GLI2: variants seen among roughly 807,000 people sequenced by gnomAD.
GLI2 encodes the protein GLI family zinc finger 2.
GLI2 carries 22 observed loss-of-function variants against 78.9 expected under a neutral mutation model. The ratio of observed to expected loss-of-function variants is 0.28; its 90% CI spans 0.20 to 0.40. The LOEUF (loss-of-function observed/expected upper bound fraction) is 0.40, where lower values mean the gene tolerates loss of function less well. GLI2 is among the 10% of genes least tolerant of loss of function. GLI2 has a pLI of 1.00. For synonymous variants in GLI2, 974 were observed against 963.7 expected, an observed-to-expected ratio of 1.01 and a Z score of -0.20; for missense variants, 2,097 against 2,213.2, an observed-to-expected ratio of 0.95 and a Z score of 1.05.
At chr2:120,875,413 A>G (rs1252083419) in intron 2 of GLI2, among the ~76,000 whole-genome samples, 1 of 152,172 alleles carries the variant, frequency 6.6e-6, no homozygotes, top group Admixed American at 6.5e-5. Context: ...CACTTGGAGG[A>G]GGGTATATGG....
chr2:120,778,783 C>T (rs947857244), intron 1 of GLI2, among the ~76,000 whole-genome samples: 6 of 152,202 alleles, frequency 3.9e-5, no homozygotes, highest in Non-Finnish European at 8.8e-5. Flanking sequence ...CCTGAAGCTG[C>T]GACAGGGAAG....
intron 1 of GLI2, among the ~76,000 whole-genome samples, chr2:120,785,009 C>T (rs1222865360): frequency 1.3e-5 from 2 of 152,186 alleles, no homozygotes; most frequent in East Asian, 3.9e-4. Flanking sequence ...GAAACCTGTG[C>T]CACCCAAATA....
intron 2 of GLI2, among the ~76,000 whole-genome samples, chr2:120,925,218 C>T (rs974958907): frequency 3.9e-5 from 6 of 152,228 alleles, no homozygotes; most frequent in Non-Finnish European, 7.3e-5. Flanking sequence ...TGCCTGCAAC[C>T]AACTCCTCTT....
Position 120,987,132 on chromosome 2 carries a change from C to T in GLI2, c.2242+518C>T, listed in dbSNP as rs1195635548. Among the ~76,000 whole-genome samples the T allele has an allele frequency of 5.9e-5, 9 of 152,216 alleles. No homozygotes were observed. The South Asian group carries it at 8.3e-4, about 14-fold the overall frequency. Reference sequence around the variant, plus strand: ...GGGATGAGCAGGGAGGACTTCATGGCGGAGGCAGCACTGTGCTCAGTCTCA... The same window carrying T: ...GGGATGAGCAGGGAGGACTTCATGGTGGAGGCAGCACTGTGCTCAGTCTCA... On this transcript the variant is annotated intron_variant, in intron 13 of 13. Transcript: ENST00000361492.
intron 1 of GLI2, among the ~76,000 whole-genome samples, chr2:120,757,050 C>T (rs933569122): frequency 6.6e-6 from 1 of 152,106 alleles, no homozygotes; most frequent in Non-Finnish European, 1.5e-5. Context: ...AGTGATTTTT[C>T]ATCTCTAGAA....
At chr2:120,930,227 C>T (rs1679884245) in intron 3 of GLI2, among the ~76,000 whole-genome samples, 1 of 152,256 alleles carries the variant, frequency 6.6e-6, no homozygotes, top group African/African-American at 2.4e-5. Flanking sequence ...AAGACCCCAA[C>T]AGCGATGACT....
intron 5 of GLI2, among the ~76,000 whole-genome samples, chr2:120,961,366 G>C (rs1170968754): frequency 6.6e-6 from 1 of 152,156 alleles, no homozygotes; most frequent in African/African-American, 2.4e-5. Context: ...ATCCCTTTCC[G>C]AGACAGGAAG....
At chr2:120,910,198 A>G (rs887788246) in intron 2 of GLI2, among the ~76,000 whole-genome samples, 1 of 151,910 alleles carries the variant, frequency 6.6e-6, no homozygotes, top group African/African-American at 2.4e-5. Flanking sequence ...CCCACAACTT[A>G]TAATGCTAAC....
chr2:120,823,228 G>A (rs1685871211), intron 2 of GLI2, among the ~76,000 whole-genome samples: 1 of 152,214 alleles, frequency 6.6e-6, no homozygotes, highest in South Asian at 2.1e-4. Context: ...TACCTGAATT[G>A]CTTTTTAATT....
chr2:120,958,151 C>T (rs1305704179), intron 5 of GLI2, among the ~76,000 whole-genome samples: 2 of 152,154 alleles, frequency 1.3e-5, no homozygotes, highest in African/African-American at 2.4e-5. Context: ...GAGGTGGTGA[C>T]AGGACTGAAG....
intron 2 of GLI2, among the ~76,000 whole-genome samples, chr2:120,908,705 C>A (rs1312597370): frequency 6.6e-6 from 1 of 152,216 alleles, no homozygotes; most frequent in African/African-American, 2.4e-5. Flanking sequence ...TGCTCTGAAG[C>A]TGAAGCTGTG....
chr2:120,825,673 C>A (rs141838212), intron 2 of GLI2, among the ~76,000 whole-genome samples: 1 of 152,192 alleles, frequency 6.6e-6, no homozygotes, highest in Non-Finnish European at 1.5e-5. Context: ...GCTGTAAGCT[C>A]CTTCTGCCCA....
At chr2:120,882,354 T>A (rs533546292) in intron 2 of GLI2, among the ~76,000 whole-genome samples, 1 of 152,308 alleles carries the variant, frequency 6.6e-6, no homozygotes, top group Admixed American at 6.5e-5. Context: ...CTGCTTGGGC[T>A]GGAGGGCGCC....
intron 1 of GLI2, among the ~76,000 whole-genome samples, chr2:120,743,065 G>A (rs939192390): frequency 6.6e-6 from 1 of 152,178 alleles, no homozygotes; most frequent in Non-Finnish European, 1.5e-5. Context: ...ACCATACCAA[G>A]TGGCCTAAGG....
chr2:120,896,757 G>GC (rs1484577374), intron 2 of GLI2, among the ~76,000 whole-genome samples: 1 of 147,008 alleles, frequency 6.8e-6, no homozygotes, highest in Non-Finnish European at 1.5e-5. Flanking sequence ...GGAGGCCTTG[G>GC]CCCTTTTTCT....
At chr2:120,911,856 G>A (rs1678839528) in intron 2 of GLI2, among the ~76,000 whole-genome samples, 2 of 152,014 alleles carry the variant, frequency 1.3e-5, no homozygotes, top group African/African-American at 4.8e-5. Flanking sequence ...TCTAGGCAGG[G>A]TGGAGCCTAG....
intron 2 of GLI2, among the ~76,000 whole-genome samples, chr2:120,811,275 T>G (rs1310293982): frequency 4.0e-5 from 6 of 151,866 alleles, no homozygotes; most frequent in Non-Finnish European, 8.8e-5. Context: ...GGGGTCAGAG[T>G]TGGGCCCTTC....
intron 2 of GLI2, among the ~76,000 whole-genome samples, chr2:120,924,741 C>T (rs1333982000): frequency 6.6e-6 from 1 of 152,196 alleles, no homozygotes; most frequent in Non-Finnish European, 1.5e-5. Context: ...CCCACCCTCC[C>T]TAGGGTTTGC....
intron 2 of GLI2, among the ~76,000 whole-genome samples, chr2:120,893,030 T>C (rs1222850867): frequency 6.6e-6 from 1 of 152,240 alleles, no homozygotes; most frequent in Non-Finnish European, 1.5e-5. Context: ...GTGTGAAATG[T>C]GGGCCATGAC....
Sources: allele counts gnomAD v4.1 joint callset (sites outside exome capture counted in the v4.1 genomes callset), GRCh38; gene constraint gnomAD v4.1.1; transcripts MANE v1.5; gene names NCBI Gene and HGNC (gene_info 2026-07-23, HGNC 2026-07-21).